The following ABTB3 variants were observed in gnomAD, a reference collection of about 807,000 sequenced individuals.
ABTB3 encodes ankyrin repeat and BTB domain containing 3, also known as ankyrin repeat- and BTB/POZ domain-containing protein 3.
the ABTB3 span, among the ~76,000 whole-genome samples, chr12:107,445,028 C>A: frequency 6.6e-6 from 1 of 152,222 alleles, no homozygotes; most frequent in Non-Finnish European, 1.5e-5. Flanking sequence ...GCATCGCTGA[C>A]CGCTTTGCCT....
the ABTB3 span, among the ~76,000 whole-genome samples, chr12:107,346,649 T>C: frequency 1.3e-5 from 2 of 152,230 alleles, no homozygotes; most frequent in Admixed American, 1.3e-4. Context: ...TTAGTAGAGA[T>C]GGGTTTTCAC....
At chr12:107,520,226 G>C in the ABTB3 span, 2 of 985,392 alleles carry the variant, frequency 2.0e-6, no homozygotes, top group Non-Finnish European at 2.4e-6. Context: ...ATTCTGTTTT[G>C]TGTTCTTTGG....
At chr12:107,596,270 T>C in the ABTB3 span, among the ~76,000 whole-genome samples, 1 of 152,214 alleles carries the variant, frequency 6.6e-6, no homozygotes, top group Non-Finnish European at 1.5e-5. Context: ...TGGATTCAGT[T>C]GGATGTGGGG....
chr12:107,319,622 C>A, the ABTB3 span: 1 of 1,536,618 alleles, frequency 6.5e-7, no homozygotes, highest in Non-Finnish European at 8.7e-7. Flanking sequence ...CGTGGCGCTG[C>A]GCATCCACGA....
At chr12:107,413,754 A>C in the ABTB3 span, among the ~76,000 whole-genome samples, 2 of 152,340 alleles carry the variant, frequency 1.3e-5, no homozygotes, top group Admixed American at 6.5e-5. Flanking sequence ...GAAACTTTTG[A>C]CAGCTCCTGC....
the ABTB3 span, among the ~76,000 whole-genome samples, chr12:107,329,305 A>G: frequency 3.2e-4 from 48 of 151,882 alleles, no homozygotes; most frequent in African/African-American, 1.1e-3. Flanking sequence ...AAGCCAGGTG[A>G]TCTTGGGCAA....
the ABTB3 span, chr12:107,581,048 G>C: frequency 1.1e-5 from 17 of 1,548,990 alleles, no homozygotes; most frequent in Non-Finnish European, 1.4e-5. Context: ...CTGGGGAGTC[G>C]GGAGATGGGG....
the ABTB3 span, among the ~76,000 whole-genome samples, chr12:107,331,877 C>T: frequency 6.6e-6 from 1 of 152,212 alleles, no homozygotes; most frequent in Non-Finnish European, 1.5e-5. Context: ...GGATGGAGGG[C>T]AGGGGCCTCC....
chr12:107,579,766 T>G, the ABTB3 span, among the ~76,000 whole-genome samples: 1 of 152,198 alleles, frequency 6.6e-6, no homozygotes, highest in Non-Finnish European at 1.5e-5. Context: ...AAGAACATAT[T>G]TGCATGACCT....
chr12:107,615,138 G>T, the ABTB3 span: 3 of 1,613,212 alleles, frequency 1.9e-6, no homozygotes, highest in Non-Finnish European at 2.5e-6. Context: ...TTGCTGTGTT[G>T]CATGGACATA....
the ABTB3 span, among the ~76,000 whole-genome samples, chr12:107,597,674 G>A: frequency 6.6e-6 from 1 of 152,198 alleles, no homozygotes; most frequent in Admixed American, 6.5e-5. Flanking sequence ...TAGATAGATG[G>A]CCAGCTGCCA....
At chr12:107,402,723 C>T in the ABTB3 span, among the ~76,000 whole-genome samples, 1 of 152,310 alleles carries the variant, frequency 6.6e-6, no homozygotes, top group Admixed American at 6.5e-5. Flanking sequence ...AGGTTGTGGG[C>T]CTGCCAGCTC....
chr12:107,612,910 C>A, the ABTB3 span: 1 of 1,579,878 alleles, frequency 6.3e-7, no homozygotes, highest in South Asian at 1.1e-5. Flanking sequence ...GGCCGGCAGT[C>A]CCCAGGGGAA....
the ABTB3 span, among the ~76,000 whole-genome samples, chr12:107,462,698 ATGG>A: frequency 5.7e-3 from 860 of 151,776 alleles, 5 homozygotes; most frequent in African/African-American, 0.02. Flanking sequence ...GATGGTGATG[ATGG>A]TGGTGGTGAT....
the ABTB3 span, among the ~76,000 whole-genome samples, chr12:107,437,748 A>G: frequency 6.6e-6 from 1 of 152,108 alleles, no homozygotes; most frequent in Non-Finnish European, 1.5e-5. Context: ...GATAATTGCC[A>G]TTGGATTTGG....
At chr12:107,532,500 C>T in the ABTB3 span, among the ~76,000 whole-genome samples, 1 of 152,156 alleles carries the variant, frequency 6.6e-6, no homozygotes, top group South Asian at 2.1e-4. Flanking sequence ...GCCAAAGAAC[C>T]CTACCCGACT....
the ABTB3 span, chr12:107,581,333 AG>A: frequency 7.9e-7 from 1 of 1,265,430 alleles, no homozygotes; most frequent in South Asian, 2.0e-5. Flanking sequence ...GGGGGGCGGC[AG>A]GGGAGGGAGG....
chr12:107,355,425 G>A, the ABTB3 span, among the ~76,000 whole-genome samples: 1 of 152,228 alleles, frequency 6.6e-6, no homozygotes, highest in African/African-American at 2.4e-5. Context: ...GCTGTCTCCT[G>A]TCTCATCAGG....
chr12:107,646,123 G>C, the ABTB3 span, among the ~76,000 whole-genome samples: 1 of 152,250 alleles, frequency 6.6e-6, no homozygotes, highest in East Asian at 1.9e-4. Flanking sequence ...ACCTGGAAGT[G>C]GGGGCCTCCG....
Sources: gnomAD v4.1 joint callset for allele counts (sites outside exome capture counted in the v4.1 genomes callset) on GRCh38, gnomAD v4.1.1 for gene constraint, MANE v1.5 for transcripts, NCBI Gene and HGNC (gene_info 2026-07-23, HGNC 2026-07-21) for gene names.